Variants in ZNF75D observed in about 807,000 individuals in gnomAD.
ZNF75D encodes the protein zinc finger protein 75.
ZNF75D carries 33 observed loss-of-function variants against 33.3 expected under a neutral mutation model. The ratio of observed to expected loss-of-function variants is 0.99; its 90% CI spans 0.75 to 1.32. The LOEUF is 1.32. Among genes scored for constraint, ZNF75D ranks in the 40% most tolerant of loss-of-function variants. ZNF75D has a pLI of 0.00. For synonymous variants in ZNF75D, 113 were observed against 130.6 expected (o/e 0.87, Z 0.92); for missense variants, 338 against 367.5 (o/e 0.92, Z 0.66).
intron 1 of ZNF75D, among the ~76,000 whole-genome samples, chrX:135,270,913 A>G (rs1490417335): frequency 2.7e-5 from 3 of 112,244 alleles, no homozygotes; most frequent in East Asian, 5.6e-4. Flanking sequence ...CCTCCAAACC[A>G]TCCAATTCCT....
Position 135,317,279 on chromosome X carries a change from G to A in ZNF75D, c.-390-21240C>T, listed in dbSNP as rs184818641. ...GGTTTCCTTGCTGGCTTATGGTGAA[G>A]TTATTGGTGGAGGCTGTGAAACAGT... is the stretch of plus-strand genomic sequence containing the variant. On this transcript the variant is annotated intron_variant, in intron 1 of 6. Coordinates refer to ENST00000370766, the MANE Select transcript of ZNF75D (RefSeq NM_007131.5). Among the ~76,000 whole-genome samples, 991 of 111,774 alleles carry A rather than the reference G, an allele frequency of 8.9e-3. 1 individual carries two copies. Among genetic ancestry groups the A allele is most frequent in the Non-Finnish European group, 0.013 (714 of 53,111 alleles).
intron 1 of ZNF75D, among the ~76,000 whole-genome samples, chrX:135,257,600 G>A (rs1379955206): frequency 8.9e-6 from 1 of 112,983 alleles, no homozygotes; most frequent in African/African-American, 3.2e-5. Flanking sequence ...TCCCTGCCTT[G>A]AAGGGAATGA....
At chrX:135,317,788 G>A (rs1268117141) in intron 1 of ZNF75D, among the ~76,000 whole-genome samples, 1 of 111,335 alleles carries the variant, frequency 9.0e-6, no homozygotes, top group Non-Finnish European at 1.9e-5. Flanking sequence ...GGATGAGGAG[G>A]GACAAAGCTT....
chrX:135,310,747 C>T (rs1362204878), intron 1 of ZNF75D, among the ~76,000 whole-genome samples: 5 of 111,240 alleles, frequency 4.5e-5, no homozygotes, highest in East Asian at 2.8e-4. Flanking sequence ...CAGGTCTCTT[C>T]TGGATCTGTA....
At chrX:135,264,535 T>G (rs1368108566) in intron 1 of ZNF75D, among the ~76,000 whole-genome samples, 1 of 111,191 alleles carries the variant, frequency 9.0e-6, no homozygotes, top group Admixed American at 9.5e-5. Flanking sequence ...CCTAAACAAA[T>G]GAACTAAATA....
At chrX:135,320,756 T>C (rs782696431) in intron 1 of ZNF75D, among the ~76,000 whole-genome samples, 86 of 112,169 alleles carry the variant, frequency 7.7e-4, no homozygotes, top group Non-Finnish European at 1.3e-3. Context: ...TCTTACTTTA[T>C]GGGAATAATC....
At chrX:135,326,657 A>G (rs2084581869) in intron 1 of ZNF75D, among the ~76,000 whole-genome samples, 1 of 112,021 alleles carries the variant, frequency 8.9e-6, no homozygotes, top group Admixed American at 9.4e-5. Context: ...TTGGGTCCAC[A>G]CTGCTTTTAT....
Position 135,293,833 on chromosome X carries a change from T to C in ZNF75D, c.308A>G (p.Lys103Arg). ...CTTCTGCACCCAGTTCTGGGTCTCC[T>C]TGGGCAGAATGCTCAGGAACTGCTC... ...VLEQFLSILPKETQNWVQKHH... is the reference protein window; with the variant it reads ...VLEQFLSILPRETQNWVQKHH... The change falls in exon 3 of 7, where the codon AAG becomes AGG. Residue 103 changes from lysine to arginine, a missense_variant. By Grantham distance (26) the Lys-to-Arg change is conservative. This residue lies in a region of ZNF75D where 254 missense variants were observed against 267.7 expected (regional missense o/e 0.95). Coordinates refer to ENST00000370766, the MANE Select transcript of ZNF75D (RefSeq NM_007131.5). The C allele has an allele frequency of 8.3e-7, 1 of 1,209,913 alleles. No homozygotes were observed. Among genetic ancestry groups the C allele is most frequent in the Admixed American group, 2.2e-5 (1 of 45,879 alleles).
In ZNF75D at chrX:135,291,103, A is replaced by G. The variant is rs2084031923; in HGVS notation, c.729T>C (p.Tyr243=). The G allele has an allele frequency of 8.3e-7, 1 of 1,211,693 alleles. No homozygotes were observed. Among genetic ancestry groups the G allele is most frequent in the South Asian group, 1.8e-5 (1 of 57,005 alleles). The change falls in exon 6 of 7, where the codon TAT becomes TAC. Residue 243 remains tyrosine, a synonymous_variant. Transcript: ENST00000370766. ...ATAATTGCCACTCTTCCTCAGAAAAATACACAGCCACATCTTCAAATGTCA... is the reference window on the plus strand; with the variant it reads ...ATAATTGCCACTCTTCCTCAGAAAAGTACACAGCCACATCTTCAAATGTCA... ...SLLTFEDVAV[Y]FSEEEWQLLN...
rs370886114 is a variant in ZNF75D, at chrX:135,298,551, A to T, written c.-390-2512T>A. On this transcript the variant is annotated intron_variant, in intron 1 of 6. Coordinates refer to ENST00000370766, the MANE Select transcript of ZNF75D (RefSeq NM_007131.5). ...CAAGGCCTCATAATAGTGAGTTGTT[A>T]AACATGACTTTGATTTCTGGTTCTA... 23 of 112,163 alleles carry T rather than the reference A, an allele frequency of 2.1e-4. 2 individuals are homozygous for T. The highest frequency in any genetic ancestry group is 6.6e-4 in the Admixed American group (7 of 10,617). 9.2% of individuals were successfully genotyped at this position (112,163 alleles called of 1,213,427 possible). A position where few individuals can be genotyped will look rare whatever the true frequency, so the allele number is the denominator to read the frequency against.
chrX:135,341,653 G>A (rs962729387), intron 1 of ZNF75D, 115 bp downstream of exon 1: 2 of 112,624 alleles, frequency 1.8e-5, no homozygotes, highest in Non-Finnish European at 3.8e-5. Context: ...CACTAGAACT[G>A]TCTTTACCTA....
Position 135,302,306 on chromosome X carries a change from T to G in ZNF75D, c.-390-6267A>C, listed in dbSNP as rs189640699. Among the ~76,000 whole-genome samples the G allele has an allele frequency of 2.8e-3, 315 of 112,446 alleles. 1 individual carries two copies. Among genetic ancestry groups the G allele is most frequent in the African/African-American group, 9.2e-3 (284 of 31,020 alleles). On this transcript the variant is annotated intron_variant, in intron 1 of 6. Coordinates refer to ENST00000370766, the MANE Select transcript of ZNF75D (RefSeq NM_007131.5). Reference sequence around the variant, plus strand: ...CCTTAAACTGGCCAGAATCAGTTCATGTTCAGTGGTCTCTTATCAGGAGAG... The same window carrying G: ...CCTTAAACTGGCCAGAATCAGTTCAGGTTCAGTGGTCTCTTATCAGGAGAG...
At chrX:135,302,133 C>T (rs1309009535) in intron 1 of ZNF75D, among the ~76,000 whole-genome samples, 1 of 112,016 alleles carries the variant, frequency 8.9e-6, no homozygotes, top group East Asian at 2.8e-4. Context: ...ATTCATGAAG[C>T]GGGGATATGT....
At position 135,294,035 on chromosome X, in the gene ZNF75D, A is replaced by G; in HGVS notation, c.106T>C (p.Tyr36His). 1.7e-6 allele frequency: 2 copies of G among 1,211,242 alleles called. No individual in the cohort carries two copies. Among genetic ancestry groups the G allele is most frequent in the Admixed American group, 2.2e-5 (1 of 46,055 alleles). Residue 36 changes from tyrosine to histidine, a missense_variant, in exon 3 of 7, where the codon TAC (tyrosine) becomes CAC (histidine). This residue lies in a region of ZNF75D where 254 missense variants were observed against 267.7 expected (regional missense o/e 0.95). Coordinates refer to ENST00000370766, the MANE Select transcript of ZNF75D (RefSeq NM_007131.5). ...VKENSSQSKK[Y>H]STKIENLGPE... The stretch of plus-strand genomic sequence containing the variant: ...CCAAGATTCTCTATTTTTGTGCTGT[A>G]TTTCTTACTCTGACTGGAGTTCTCT...
At chrX:135,339,204 C>T (rs1292501697) in intron 1 of ZNF75D, among the ~76,000 whole-genome samples, 2 of 111,618 alleles carry the variant, frequency 1.8e-5, no homozygotes, top group Non-Finnish European at 3.8e-5. Flanking sequence ...ATAAGACTGA[C>T]TCTTCCTGGC....
At chrX:135,258,545 A>G (rs1009654482) in intron 1 of ZNF75D, among the ~76,000 whole-genome samples, 16 of 111,492 alleles carry the variant, frequency 1.4e-4, no homozygotes, top group Admixed American at 1.2e-3. Flanking sequence ...CTGATGACCA[A>G]TGATGAGGAG....
At chrX:135,291,234 G>C in intron 5 of ZNF75D, 99 bp from the exon 6 acceptor site, 1 of 1,036,670 alleles carries the variant, frequency 9.6e-7, no homozygotes, top group Non-Finnish European at 1.3e-6. Context: ...CTGAAGATGT[G>C]AACAGTACAA....
intron 1 of ZNF75D, among the ~76,000 whole-genome samples, chrX:135,314,498 T>C (rs1172394882): frequency 1.8e-5 from 2 of 111,938 alleles, no homozygotes; most frequent in African/African-American, 6.5e-5. Context: ...AGGGTAATTC[T>C]GGCCTTGTAG....
intron 2 of ZNF75D, among the ~76,000 whole-genome samples, chrX:135,295,386 C>A (rs1238474850): frequency 1.8e-5 from 2 of 112,060 alleles, no homozygotes; most frequent in Admixed American, 9.4e-5. Context: ...GCCCCAAATC[C>A]CCATCCCTGA....
Sources: allele counts gnomAD v4.1 joint callset (sites outside exome capture counted in the v4.1 genomes callset), GRCh38; gene constraint gnomAD v4.1.1; regional missense constraint gnomAD v4.1.1; transcripts MANE v1.5; gene names NCBI Gene and HGNC (gene_info 2026-07-23, HGNC 2026-07-21).